ESYT2: variants seen among roughly 807,000 people sequenced by gnomAD.
The protein encoded by ESYT2 is extended synaptotagmin-2.
A neutral mutation model predicts 107.2 loss-of-function variants in ESYT2; 54 were observed. The observed-to-expected ratio is 0.50, with a 90% CI of 0.40 to 0.63. The LOEUF is 0.63. ESYT2 is among the 30% of genes least tolerant of loss of function. The pLI is 0.00. For missense variants in ESYT2, 1,020 were observed against 1,094.5 expected (o/e 0.93, Z 0.96); for synonymous variants, 491 against 434.1 (o/e 1.13, Z -1.63).
At chr7:158,806,725 GAT>G (rs1839843092) in intron 1 of ESYT2, among the ~76,000 whole-genome samples, 2 of 152,202 alleles carry the variant, frequency 1.3e-5, no homozygotes, top group African/African-American at 4.8e-5. Flanking sequence ...TCATAATCGT[GAT>G]TTAAGCTGAA....
chr7:158,772,792 T>C (rs1284414720), intron 7 of ESYT2, among the ~76,000 whole-genome samples: 3 of 151,584 alleles, frequency 2.0e-5, no homozygotes, highest in Admixed American at 6.6e-5. Flanking sequence ...AGTGAAATGA[T>C]ACGGAACTTC....
At chr7:158,808,741 C>T (rs567755868) in intron 1 of ESYT2, among the ~76,000 whole-genome samples, 5 of 150,788 alleles carry the variant, frequency 3.3e-5, no homozygotes, top group South Asian at 2.1e-4. Flanking sequence ...AGGCTGAGGC[C>T]GGCAGATCAC....
chr7:158,742,381 C>G (rs1292342360), intron 17 of ESYT2, among the ~76,000 whole-genome samples: 1 of 152,194 alleles, frequency 6.6e-6, no homozygotes, highest in South Asian at 2.1e-4. Context: ...GGCAAGGAGC[C>G]CCCCATAACA....
chr7:158,815,335 C>T (rs10252353), intron 1 of ESYT2, among the ~76,000 whole-genome samples: 17,450 of 152,102 alleles, frequency 0.11, 1,705 homozygotes, highest in East Asian at 0.55. Flanking sequence ...AATCTCCCAC[C>T]GCAGCCCCAG....
chr7:158,770,032 ACAGGTGTGTGCC>A (rs1838299237), intron 7 of ESYT2, among the ~76,000 whole-genome samples: 1 of 151,866 alleles, frequency 6.6e-6, no homozygotes, highest in African/African-American at 2.4e-5. Flanking sequence ...AGCTGGGATT[ACAGGTGTGTGCC>A]CACGCCCAAC....
At position 158,734,180 on chromosome 7, in the gene ESYT2, G is replaced by A. The variant is rs760468027; in HGVS notation, c.*27C>T. 6.2e-7 allele frequency: 1 copy of A among 1,613,972 alleles called. No individual in the cohort carries two copies. The highest frequency in any genetic ancestry group is 1.1e-5 in the South Asian group (1 of 91,068). Reference sequence around the variant, plus strand: ...CCGGGTAGAGGTGGAGAGCTACGCTGAAGAGGACGCCTCCTGCCTGCTGCG... The same window carrying A: ...CCGGGTAGAGGTGGAGAGCTACGCTAAAGAGGACGCCTCCTGCCTGCTGCG... On this transcript the variant is annotated 3_prime_UTR_variant, in exon 23 of 23. Transcript: ENST00000275418.
chr7:158,745,865 T>TG (rs1837384383), intron 16 of ESYT2, among the ~76,000 whole-genome samples: 1 of 152,194 alleles, frequency 6.6e-6, no homozygotes, highest in African/African-American at 2.4e-5. Context: ...TGAAATTTAT[T>TG]GGAGTAAATG....
intron 1 of ESYT2, among the ~76,000 whole-genome samples, chr7:158,823,865 T>C (rs997470238): frequency 2.0e-5 from 3 of 152,188 alleles, no homozygotes; most frequent in African/African-American, 7.2e-5. Flanking sequence ...CATTTATGAA[T>C]ACGTACTTAT....
At chr7:158,776,829 A>G (rs1838581517) in intron 6 of ESYT2, among the ~76,000 whole-genome samples, 1 of 149,684 alleles carries the variant, frequency 6.7e-6, no homozygotes, top group African/African-American at 2.5e-5. Flanking sequence ...TGGCTTCTTC[A>G]CTAAGCTTAA....
At chr7:158,735,684 C>T in intron 20 of ESYT2, 76 bp from the exon 21 acceptor site, 2 of 1,185,130 alleles carry the variant, frequency 1.7e-6, no homozygotes, top group Admixed American at 1.8e-5. Context: ...GGCATTTCTG[C>T]TCATGAGATC....
chr7:158,780,044 A>G (rs1358253588), intron 6 of ESYT2, among the ~76,000 whole-genome samples: 1 of 152,230 alleles, frequency 6.6e-6, no homozygotes, highest in African/African-American at 2.4e-5. Context: ...CAGAATGACT[A>G]CCTACGAAAG....
rs191089155 is a variant in ESYT2 at position 158,820,060 on chromosome 7, C to T, written c.330+9029G>A. 1.2e-3 allele frequency among the ~76,000 whole-genome samples: 190 copies of T among 152,326 alleles called. 1 individual carries two copies. The highest frequency in any genetic ancestry group is 4.0e-4 in the Non-Finnish European group (27 of 68,030). ...GCTTCTTACTTTGTACTGATACTTT[C>T]ATCTAGACACTGCCGTAATCCATTA... On this transcript the variant is annotated intron_variant, in intron 1 of 22. Coordinates refer to ENST00000275418, the MANE Select transcript of ESYT2 (RefSeq NM_001367773.1).
intron 1 of ESYT2, among the ~76,000 whole-genome samples, chr7:158,823,616 G>A (rs1238776515): frequency 2.6e-5 from 4 of 152,014 alleles, no homozygotes; most frequent in African/African-American, 4.8e-5. Context: ...GTGAGCCACC[G>A]CACCCAGCCC....
intron 15 of ESYT2, 24 bp downstream of exon 15, chr7:158,749,625 C>T (rs1225300291): frequency 1.9e-6 from 3 of 1,613,002 alleles, no homozygotes; most frequent in Middle Eastern, 3.3e-4. Context: ...GGCACCAAGG[C>T]TGAGTCCAGG....
At chr7:158,813,052 T>A (rs1840034834) in intron 1 of ESYT2, among the ~76,000 whole-genome samples, 1 of 152,186 alleles carries the variant, frequency 6.6e-6, no homozygotes, top group Non-Finnish European at 1.5e-5. Context: ...CACTGAATTG[T>A]GTCCTTTAAA....
intron 1 of ESYT2, among the ~76,000 whole-genome samples, chr7:158,818,531 G>A (rs369123197): frequency 1.6e-4 from 25 of 152,204 alleles, no homozygotes; most frequent in Non-Finnish European, 3.4e-4. Flanking sequence ...GCAGAGGTGG[G>A]GGAGGGAGGT....
chr7:158,756,129 T>C (rs1040336973), intron 13 of ESYT2, among the ~76,000 whole-genome samples: 6 of 152,156 alleles, frequency 3.9e-5, no homozygotes, highest in African/African-American at 1.2e-4. Flanking sequence ...GGGAAATCCT[T>C]TGGAAATAGA....
intron 1 of ESYT2, among the ~76,000 whole-genome samples, chr7:158,827,924 A>G (rs543221772): frequency 3.6e-4 from 55 of 152,340 alleles, no homozygotes; most frequent in Non-Finnish European, 5.6e-4. Flanking sequence ...ATGACAAGAA[A>G]AAGATTTGAA....
Position 158,741,573 on chromosome 7 carries a change from C to T in ESYT2, c.2118G>A (p.Ser706=), listed in dbSNP as rs779723163. 60 of 1,606,012 alleles carry T rather than the reference C, an allele frequency of 3.7e-5. No individual in the cohort carries two copies. Among genetic ancestry groups the T allele is most frequent in the African/African-American group, 2.4e-4 (18 of 74,786 alleles). ...GCAGCTCCTGGGTGGCGATGGGCAGCGAGATGTCCGAGGCGATGCTGGGGG... is the reference window on the plus strand; with the variant it reads ...GCAGCTCCTGGGTGGCGATGGGCAGTGAGATGTCCGAGGCGATGCTGGGGG... ...EPTPSIASDI[S]LPIATQELRQ... The change falls in exon 18 of 23, where the codon TCG becomes TCA. Residue 706 remains serine, a synonymous_variant. Transcript: ENST00000275418.
Sources: gnomAD v4.1 joint callset for allele counts (sites outside exome capture counted in the v4.1 genomes callset) on GRCh38, gnomAD v4.1.1 for gene constraint, MANE v1.5 for transcripts, NCBI Gene and HGNC (gene_info 2026-07-23, HGNC 2026-07-21) for gene names.